CREB5: variants seen among roughly 807,000 people sequenced by gnomAD.
CREB5 encodes the protein cAMP responsive element binding protein 5, also known as cyclic AMP-responsive element-binding protein 5.
A neutral mutation model predicts 57.1 loss-of-function variants in CREB5; 19 were observed. The observed-to-expected ratio is 0.33, with a 90% CI of 0.23 to 0.49. The LOEUF (loss-of-function observed/expected upper bound fraction) is 0.49. Ranked by LOEUF, CREB5 falls within the 20% of genes least tolerant of loss-of-function variation. CREB5 has a pLI of 0.99. For synonymous variants in CREB5, 238 were observed against 238.3 expected, an observed-to-expected ratio of 1.00 and a Z score of 0.01; for missense variants, 579 against 671.6, an observed-to-expected ratio of 0.86 and a Z score of 1.52.
intron 1 of CREB5, among the ~76,000 whole-genome samples, chr7:28,477,727 C>T (rs1447892362): frequency 6.6e-6 from 1 of 152,084 alleles, no homozygotes; most frequent in African/African-American, 2.4e-5. Flanking sequence ...AGTGGATTTG[C>T]AGGCTTTAGT....
intron 1 of CREB5, among the ~76,000 whole-genome samples, chr7:28,323,305 G>A (rs780177814): frequency 5.3e-5 from 8 of 152,242 alleles, no homozygotes; most frequent in Middle Eastern, 3.4e-3. Flanking sequence ...GACATTCAAC[G>A]TAGCAGCAAA....
At chr7:28,323,800 A>AATAACT (rs1466240772) in intron 1 of CREB5, among the ~76,000 whole-genome samples, 1 of 152,200 alleles carries the variant, frequency 6.6e-6, no homozygotes, top group Non-Finnish European at 1.5e-5. Context: ...TATATAATGA[A>AATAACT]ATAACTATAC....
chr7:28,394,263 A>C (rs546213969), intron 1 of CREB5, among the ~76,000 whole-genome samples: 37 of 152,174 alleles, frequency 2.4e-4, no homozygotes, highest in African/African-American at 8.2e-4. Context: ...AAAGAGTAGA[A>C]AGCAAACAAA....
chr7:28,453,215 A>G (rs1029032758), intron 1 of CREB5, among the ~76,000 whole-genome samples: 1 of 152,046 alleles, frequency 6.6e-6, no homozygotes, highest in Non-Finnish European at 1.5e-5. Context: ...AGGTGGGAGG[A>G]TTGCTTGAGT....
At chr7:28,469,909 GTTTA>G (rs1790739501) in intron 1 of CREB5, among the ~76,000 whole-genome samples, 2 of 152,072 alleles carry the variant, frequency 1.3e-5, no homozygotes, top group African/African-American at 4.8e-5. Flanking sequence ...ATGTGATCAT[GTTTA>G]TTTATTTATT....
chr7:28,521,514 T>G (rs1234638775), intron 4 of CREB5, among the ~76,000 whole-genome samples: 2 of 152,224 alleles, frequency 1.3e-5, no homozygotes. Flanking sequence ...ATCTTTTCTA[T>G]TATTTCCTGA....
At chr7:28,809,471 T>G (rs759452181) in intron 9 of CREB5, 57 bp downstream of exon 9, 28 of 1,488,362 alleles carry the variant, frequency 1.9e-5, no homozygotes, top group Non-Finnish European at 2.4e-5. Flanking sequence ...CACGGGCATT[T>G]CCGGCCCTGA....
chr7:28,457,692 T>A (rs1790166617), intron 1 of CREB5, among the ~76,000 whole-genome samples: 1 of 152,160 alleles, frequency 6.6e-6, no homozygotes, highest in African/African-American at 2.4e-5. Flanking sequence ...AAAGAGACCA[T>A]TTCCATCTTG....
At chr7:28,623,940 T>A (rs1797897624) in intron 5 of CREB5, among the ~76,000 whole-genome samples, 2 of 152,124 alleles carry the variant, frequency 1.3e-5, no homozygotes, top group South Asian at 4.1e-4. Context: ...TTCTCTAAGA[T>A]CAAAACCCAG....
At chr7:28,481,880 A>C (rs1329212743) in intron 1 of CREB5, among the ~76,000 whole-genome samples, 1 of 152,176 alleles carries the variant, frequency 6.6e-6, no homozygotes, top group Non-Finnish European at 1.5e-5. Flanking sequence ...ACAGAAAGAG[A>C]GAGAGACACA....
At chr7:28,302,215 G>A (rs895431356) in intron 1 of CREB5, among the ~76,000 whole-genome samples, 2 of 152,036 alleles carry the variant, frequency 1.3e-5, no homozygotes, top group African/African-American at 4.8e-5. Context: ...CAAATAAATA[G>A]CTGCATCACA....
At chr7:28,560,921 T>TGTGTGCGTGTGCGTGCGCGC (rs1795180804) in intron 4 of CREB5, among the ~76,000 whole-genome samples, 3 of 40,568 alleles carry the variant, frequency 7.4e-5, no homozygotes, top group Non-Finnish European at 1.4e-4. Context: ...TGTGCGTGTG[T>TGTGTGCGTGTGCGTGCGCGC]GCGCGTGCGT....
At chr7:28,440,716 A>G (rs1789152108) in intron 1 of CREB5, among the ~76,000 whole-genome samples, 1 of 152,226 alleles carries the variant, frequency 6.6e-6, no homozygotes, top group African/African-American at 2.4e-5. Context: ...TTCCAGATAC[A>G]GGAAGATTGG....
intron 5 of CREB5, among the ~76,000 whole-genome samples, chr7:28,614,296 T>C (rs1797516381): frequency 6.6e-6 from 1 of 152,250 alleles, no homozygotes; most frequent in Non-Finnish European, 1.5e-5. Context: ...CAGTCATTTG[T>C]GCTATATCCA....
chr7:28,413,458 T>C (rs1326207629), intron 1 of CREB5, among the ~76,000 whole-genome samples: 2 of 152,138 alleles, frequency 1.3e-5, no homozygotes, highest in African/African-American at 2.4e-5. Flanking sequence ...TCCCCAGAAA[T>C]GTTTCTCATT....
intron 3 of CREB5, among the ~76,000 whole-genome samples, chr7:28,506,507 G>A (rs141739053): frequency 6.6e-6 from 1 of 152,328 alleles, no homozygotes; most frequent in African/African-American, 2.4e-5. Context: ...AGTGGAAATA[G>A]CATTGAGGCC....
intron 5 of CREB5, among the ~76,000 whole-genome samples, chr7:28,630,303 C>T (rs1239941321): frequency 6.6e-6 from 1 of 152,148 alleles, no homozygotes; most frequent in Admixed American, 6.5e-5. Context: ...TGTCATTTGT[C>T]ATGATTCTGT....
At chr7:28,316,857 C>T (rs78243604) in intron 1 of CREB5, among the ~76,000 whole-genome samples, 3,069 of 152,050 alleles carry the variant, frequency 0.02, 69 homozygotes, top group Admixed American at 0.056. Flanking sequence ...GTTCCTGTGG[C>T]TTCTCCAAGC....
intron 1 of CREB5, among the ~76,000 whole-genome samples, chr7:28,446,959 C>T (rs966187116): frequency 1.3e-5 from 2 of 152,188 alleles, no homozygotes; most frequent in African/African-American, 2.4e-5. Flanking sequence ...AGACCATTTC[C>T]TATTCCCATC....
Sources: allele counts gnomAD v4.1 joint callset (sites outside exome capture counted in the v4.1 genomes callset), GRCh38; gene constraint gnomAD v4.1.1; transcripts MANE v1.5; gene names NCBI Gene and HGNC (gene_info 2026-07-23, HGNC 2026-07-21).